PLEKHA6: variants seen among roughly 807,000 people sequenced by gnomAD.
PLEKHA6 encodes the protein pleckstrin homology domain-containing family A member 6.
Under a neutral mutation model 116.7 loss-of-function variants are expected in PLEKHA6, and 60 were observed. The ratio of observed to expected loss-of-function variants is 0.51; its 90% CI spans 0.42 to 0.64. The LOEUF (loss-of-function observed/expected upper bound fraction) is 0.64. Ranked by LOEUF, PLEKHA6 falls within the 30% of genes least tolerant of loss-of-function variation. PLEKHA6 has a pLI of 0.00. For missense variants in PLEKHA6, 1,338 were observed against 1,422.7 expected, an observed-to-expected ratio of 0.94 and a Z score of 0.96; for synonymous variants, 489 against 556.1, an observed-to-expected ratio of 0.88 and a Z score of 1.70.
chr1:204,325,862 G>A (rs1672223610), intron 1 of PLEKHA6: 1 of 975,208 alleles, frequency 1.0e-6, no homozygotes, highest in South Asian at 4.7e-5. Flanking sequence ...AGGGGTGGAA[G>A]GGCAGCATGG....
At chr1:204,251,423 G>T in intron 9 of PLEKHA6, 1 of 625,600 alleles carries the variant, frequency 1.6e-6, no homozygotes, top group Non-Finnish European at 2.9e-6. Flanking sequence ...TCTCCAGGCA[G>T]ATGAGCGGGT....
intron 9 of PLEKHA6, among the ~76,000 whole-genome samples, chr1:204,252,076 C>A (rs1470247447): frequency 1.3e-5 from 2 of 151,608 alleles, no homozygotes; most frequent in Non-Finnish European, 2.9e-5. Context: ...GATACAGAGG[C>A]CTGCCCCCTC....
intron 1 of PLEKHA6, chr1:204,317,308 T>C (rs1671896598): frequency 2.4e-6 from 1 of 421,794 alleles, no homozygotes; most frequent in Non-Finnish European, 3.2e-6. Flanking sequence ...TTTCCTGATT[T>C]GAGTCTGGGA....
At chr1:204,273,255 G>A (rs1218823214) in intron 3 of PLEKHA6, among the ~76,000 whole-genome samples, 1 of 152,158 alleles carries the variant, frequency 6.6e-6, no homozygotes, top group Non-Finnish European at 1.5e-5. Flanking sequence ...AACTGACAAT[G>A]TCTGGAGACA....
rs61819762 is a variant in PLEKHA6, at chr1:204,305,483, T to C, written c.-94-30674A>G. On this transcript the variant is annotated intron_variant, in intron 1 of 22. Transcript: ENST00000272203. Reference sequence around the variant, plus strand: ...GGATTGCAGGTAAACTGAGAGACCCTTGAAGGCAGATCCAGTTCTTTTCCA... The same window carrying C: ...GGATTGCAGGTAAACTGAGAGACCCCTGAAGGCAGATCCAGTTCTTTTCCA... Among the ~76,000 whole-genome samples the C allele has an allele frequency of 9.2e-3, 1,407 of 152,312 alleles. 11 individuals are homozygous for C. The highest frequency in any genetic ancestry group is 0.041 in the South Asian group (199 of 4,828).
At chr1:204,340,161 G>T (rs1301230223) in intron 1 of PLEKHA6, among the ~76,000 whole-genome samples, 1 of 152,206 alleles carries the variant, frequency 6.6e-6, no homozygotes, top group African/African-American at 2.4e-5. Context: ...ACCCAGGACA[G>T]GGAAAGGGAA....
At chr1:204,235,007 T>C (rs1661815508) in intron 17 of PLEKHA6, among the ~76,000 whole-genome samples, 2 of 18,684 alleles carry the variant, frequency 1.1e-4, no homozygotes, top group South Asian at 2.5e-3. Context: ...TATATATATA[T>C]ATATATCTAA....
In PLEKHA6 at chr1:204,223,171, G is replaced by C. The variant is rs1273826508; in HGVS notation, c.*8+291C>G. On this transcript the variant is annotated intron_variant, in intron 22 of 22. Transcript: ENST00000272203. The surrounding 1 kb of genome is among the most constrained non-coding windows in gnomAD (Gnocchi z 4.8). Reference sequence around the variant, plus strand: ...TGTCAGGGAAGAGCCTTCCCTGAGAGCAGACAGGTGAGGTCTCGGCTCCAT... The same window carrying C: ...TGTCAGGGAAGAGCCTTCCCTGAGACCAGACAGGTGAGGTCTCGGCTCCAT... 6.6e-6 allele frequency among the ~76,000 whole-genome samples: 1 copy of C among 152,196 alleles called. No homozygotes were observed. Among genetic ancestry groups the C allele is most frequent in the East Asian group, 1.9e-4 (1 of 5,176 alleles).
At chr1:204,232,298 G>A (rs776272772) in intron 17 of PLEKHA6, among the ~76,000 whole-genome samples, 2 of 152,122 alleles carry the variant, frequency 1.3e-5, no homozygotes, top group South Asian at 4.1e-4. Flanking sequence ...GTTAAGCCAA[G>A]AGAAACCAGG....
intron 3 of PLEKHA6, among the ~76,000 whole-genome samples, chr1:204,268,578 CT>C (rs68190806): frequency 0.56 from 76,976 of 136,422 alleles, 20,620 homozygotes; most frequent in East Asian, 0.79. Context: ...GTCTCACAGC[CT>C]TTTTTTTTTT....
At chr1:204,275,624 G>T in intron 1 of PLEKHA6, 1 of 825,480 alleles carries the variant, frequency 1.2e-6, no homozygotes, top group Non-Finnish European at 1.5e-6. Flanking sequence ...CCTCCGGCTG[G>T]CTGAGTGTCA....
At chr1:204,243,020 G>C (rs1663059933) in intron 15 of PLEKHA6, 1 of 399,202 alleles carries the variant, frequency 2.5e-6, no homozygotes, top group Non-Finnish European at 4.4e-6. Flanking sequence ...AAATTAATGG[G>C]GAAAATGACT....
chr1:204,306,754 T>C (rs1468070879), intron 1 of PLEKHA6, among the ~76,000 whole-genome samples: 1 of 152,180 alleles, frequency 6.6e-6, no homozygotes, highest in Non-Finnish European at 1.5e-5. Context: ...TTTGGGTGAC[T>C]GGTTCAACAG....
chr1:204,306,254 C>T (rs997988771), intron 1 of PLEKHA6, among the ~76,000 whole-genome samples: 1 of 152,198 alleles, frequency 6.6e-6, no homozygotes, highest in Non-Finnish European at 1.5e-5. Context: ...GTGCTGCCCA[C>T]AGGACCAGTG....
At chr1:204,247,584 G>T in intron 12 of PLEKHA6, 124 bp from the exon 13 acceptor site, 1 of 613,946 alleles carries the variant, frequency 1.6e-6, no homozygotes, top group East Asian at 3.0e-5. Flanking sequence ...GGCATGGAGG[G>T]ACCGAAGGAG....
chr1:204,291,923 A>G (rs1476705695), intron 1 of PLEKHA6, among the ~76,000 whole-genome samples: 1 of 152,244 alleles, frequency 6.6e-6, no homozygotes, highest in East Asian at 1.9e-4. Context: ...CAATAAATCT[A>G]TAAAAAAGAA....
rs149149150 is a variant in PLEKHA6, at chr1:204,309,305, T to C, written c.-94-34496A>G. The stretch of plus-strand genomic sequence containing the variant: ...ACCAGACTGAACCTTAAACTCAGCA[T>C]GCTACAATCAAATTAAGATTGACCA... On this transcript the variant is annotated intron_variant, in intron 1 of 22. Transcript: ENST00000272203. 4.2e-3 allele frequency among the ~76,000 whole-genome samples: 634 copies of C among 152,318 alleles called. 11 individuals are homozygous for C. The highest frequency in any genetic ancestry group is 7.7e-3 in the East Asian group (40 of 5,180).
chr1:204,245,549 G>T, intron 14 of PLEKHA6, 66 bp downstream of exon 14: 1 of 931,170 alleles, frequency 1.1e-6, no homozygotes, highest in Non-Finnish European at 1.7e-6. Flanking sequence ...TGGGATGGAG[G>T]TCAGAAATAC....
chr1:204,225,598 C>T (rs935454387), intron 21 of PLEKHA6, among the ~76,000 whole-genome samples: 4 of 152,156 alleles, frequency 2.6e-5, no homozygotes, highest in African/African-American at 7.2e-5. Flanking sequence ...TCCCATACTG[C>T]GGAAAAGCCA....
Sources: gnomAD v4.1 joint callset for allele counts (sites outside exome capture counted in the v4.1 genomes callset) on GRCh38, gnomAD v4.1.1 for gene constraint, Gnocchi (gnomAD v3.1) non-coding constraint, MANE v1.5 for transcripts, NCBI Gene and HGNC (gene_info 2026-07-23, HGNC 2026-07-21) for gene names.